Variants in ZNF573 observed in about 807,000 individuals in gnomAD.
ZNF573 encodes the protein zinc finger protein 573.
In ZNF573, 41 loss-of-function variants were observed where a neutral mutation model predicts 57.4. The ratio of observed to expected loss-of-function variants is 0.71; its 90% confidence interval spans 0.56 to 0.93. The LOEUF (loss-of-function observed/expected upper bound fraction) is 0.93, where lower values mean the gene tolerates loss of function less well. Among genes scored for constraint, ZNF573 ranks in the 40% least tolerant of loss-of-function variants. The probability of loss-of-function intolerance (pLI) is 0.00; values close to 1 mark genes in which losing one functional copy is unlikely to be tolerated. For synonymous variants in ZNF573, 249 were observed against 261.0 expected (o/e 0.95, Z 0.44); for missense variants, 730 against 794.8 (o/e 0.92, Z 0.98).
At chr19:37,763,807 T>C (rs895704284) in intron 4 of ZNF573, among the ~76,000 whole-genome samples, 1 of 152,128 alleles carries the variant, frequency 6.6e-6, no homozygotes, top group Non-Finnish European at 1.5e-5. Flanking sequence ...CTCATGCCTG[T>C]AATCCCAACA....
chr19:37,742,244 T>C (rs563227972), intron 4 of ZNF573, among the ~76,000 whole-genome samples: 6 of 152,310 alleles, frequency 3.9e-5, no homozygotes, highest in African/African-American at 1.4e-4. Context: ...AAAATGGCCA[T>C]ACTACCCAAA....
intron 4 of ZNF573, among the ~76,000 whole-genome samples, chr19:37,753,485 T>A (rs991331569): frequency 2.0e-5 from 3 of 152,064 alleles, no homozygotes; most frequent in Non-Finnish European, 4.4e-5. Flanking sequence ...AATTTTTTTT[T>A]AAAGAGAAAA....
At chr19:37,746,156 C>G (rs2045380458) in intron 4 of ZNF573, among the ~76,000 whole-genome samples, 2 of 152,120 alleles carry the variant, frequency 1.3e-5, no homozygotes, top group Admixed American at 1.3e-4. Flanking sequence ...TGTAGGTAAT[C>G]AATATACTGA....
At chr19:37,767,233 C>CTT (rs200995291) in intron 4 of ZNF573, among the ~76,000 whole-genome samples, 6 of 144,670 alleles carry the variant, frequency 4.1e-5, no homozygotes, top group African/African-American at 1.3e-4. Flanking sequence ...AGATTCATTC[C>CTT]TTTTTTTTTT....
At chr19:37,771,368 G>T (rs1002891891) in intron 3 of ZNF573, among the ~76,000 whole-genome samples, 196 bp downstream of exon 3, 1 of 152,104 alleles carries the variant, frequency 6.6e-6, no homozygotes, top group Non-Finnish European at 1.5e-5. Context: ...GAGAATATGT[G>T]ACTATCTCTA....
chr19:37,759,950 GAGA>G (rs1291683288), intron 4 of ZNF573, among the ~76,000 whole-genome samples: 8 of 152,184 alleles, frequency 5.3e-5, no homozygotes, highest in South Asian at 2.1e-4. Flanking sequence ...AGATGAAATG[GAGA>G]AGATTATTTT....
intron 1 of ZNF573, among the ~76,000 whole-genome samples, chr19:37,775,744 A>T (rs2145338485): frequency 6.6e-6 from 1 of 152,074 alleles, no homozygotes; most frequent in South Asian, 2.1e-4. Context: ...AAGTTTCAAG[A>T]TACAAAATTA....
intron 2 of ZNF573, among the ~76,000 whole-genome samples, chr19:37,772,594 A>G (rs2045669062): frequency 6.6e-6 from 1 of 151,090 alleles, no homozygotes; most frequent in African/African-American, 2.4e-5. Flanking sequence ...TTTCAGACTT[A>G]CTCCGTCGTT....
intron 4 of ZNF573, among the ~76,000 whole-genome samples, chr19:37,766,363 T>C (rs189921948): frequency 6.6e-6 from 1 of 152,316 alleles, no homozygotes; most frequent in East Asian, 1.9e-4. Context: ...GCTTACTCTC[T>C]CCATAAACAC....
At chr19:37,753,784 A>G (rs2045461492) in intron 4 of ZNF573, among the ~76,000 whole-genome samples, 1 of 152,204 alleles carries the variant, frequency 6.6e-6, no homozygotes, top group Admixed American at 6.6e-5. Flanking sequence ...CTTTGAAGGG[A>G]GGAAATATCC....
At chr19:37,751,929 C>A (rs2045440061) in intron 4 of ZNF573, among the ~76,000 whole-genome samples, 2 of 53,324 alleles carry the variant, frequency 3.8e-5, no homozygotes, top group Admixed American at 2.1e-4. Flanking sequence ...TACATAGTAC[C>A]GTATATATAC....
chr19:37,759,483 T>C (rs985306076), intron 4 of ZNF573, among the ~76,000 whole-genome samples: 1 of 152,118 alleles, frequency 6.6e-6, no homozygotes, highest in Admixed American at 6.6e-5. Context: ...ATCCCAGAAC[T>C]TTGGGAGGCC....
intron 4 of ZNF573, among the ~76,000 whole-genome samples, chr19:37,746,139 T>C (rs982221915): frequency 6.6e-6 from 1 of 152,270 alleles, no homozygotes; most frequent in Non-Finnish European, 1.5e-5. Context: ...GGTAATTATA[T>C]ACTGCTTGTA....
intron 4 of ZNF573, among the ~76,000 whole-genome samples, chr19:37,756,757 T>C (rs1171476300): frequency 6.6e-6 from 1 of 151,862 alleles, no homozygotes; most frequent in African/African-American, 2.4e-5. Context: ...AAAAGTGTGA[T>C]CTCCAGAATA....
intron 1 of ZNF573, among the ~76,000 whole-genome samples, chr19:37,773,993 G>A (rs1469811746): frequency 6.6e-6 from 1 of 152,082 alleles, no homozygotes; most frequent in African/African-American, 2.4e-5. Context: ...AGGTTTTCTG[G>A]ACAAGGCTCC....
At chr19:37,770,183 C>A (rs2045642071) in intron 3 of ZNF573, 86 bp from the exon 4 acceptor site, 2 of 1,024,622 alleles carry the variant, frequency 2.0e-6, no homozygotes, top group Non-Finnish European at 2.8e-6. Flanking sequence ...TTACAATGAA[C>A]TAAGGACTTC....
At chr19:37,769,790 G>A (rs1254123115) in intron 4 of ZNF573, among the ~76,000 whole-genome samples, 2 of 150,030 alleles carry the variant, frequency 1.3e-5, no homozygotes, top group South Asian at 2.1e-4. Flanking sequence ...AAACAGGTTT[G>A]AAATATAAAA....
chr19:37,744,789 CT>C (rs939679836), intron 4 of ZNF573, among the ~76,000 whole-genome samples: 16 of 145,438 alleles, frequency 1.1e-4, no homozygotes, highest in Non-Finnish European at 1.5e-4. Flanking sequence ...AAAGAAAACA[CT>C]TTTTTTTTTG....
At chr19:37,744,434 T>TA (rs1221178015) in intron 4 of ZNF573, among the ~76,000 whole-genome samples, 1 of 151,876 alleles carries the variant, frequency 6.6e-6, no homozygotes, top group Non-Finnish European at 1.5e-5. Context: ...CATCAGCAGT[T>TA]AAACATCAAA....
Sources: allele counts gnomAD v4.1 joint callset (sites outside exome capture counted in the v4.1 genomes callset), GRCh38; gene constraint gnomAD v4.1.1; transcripts MANE v1.5; gene names NCBI Gene and HGNC (gene_info 2026-07-23, HGNC 2026-07-21).